The following ESF1 variants were observed in gnomAD, a reference collection of about 807,000 sequenced individuals.
ESF1 encodes ESF1 nucleolar pre-rRNA processing protein.
ESF1 carries 58 observed loss-of-function variants against 92.0 expected under a neutral mutation model. The ratio of observed to expected loss-of-function variants is 0.63; its 90% CI spans 0.51 to 0.78. The LOEUF (loss-of-function observed/expected upper bound fraction) is 0.78. Ranked by LOEUF, ESF1 falls within the 30% of genes least tolerant of loss-of-function variation. The probability of loss-of-function intolerance (pLI) is 0.00; values close to 1 mark genes in which losing one functional copy is unlikely to be tolerated. For synonymous variants in ESF1, 321 were observed against 313.7 expected (o/e 1.02, Z -0.24); for missense variants, 922 against 989.1 (o/e 0.93, Z 0.91).
Position 13,728,461 on chromosome 20 carries a change from A to T in ESF1, c.1955T>A (p.Leu652His). The change falls in exon 11 of 14, where the codon CTT (leucine) becomes CAT (histidine). Residue 652 changes from leucine to histidine, a missense_variant. Transcript: ENST00000617257. ...KKRLKRKQKA[L>H]AEEASEEELP... The stretch of plus-strand genomic sequence containing the variant: ...TTCCTCTTCACTGGCCTCTTCAGCA[A>T]GAGCCTTAAAAGTTGAATATAAAAA... 6.2e-7 allele frequency: 1 copy of T among 1,606,978 alleles called. No homozygotes were observed. Among genetic ancestry groups the T allele is most frequent in the South Asian group, 1.1e-5 (1 of 89,500 alleles).
chr20:13,767,246 G>T (rs1215924483), intron 7 of ESF1, among the ~76,000 whole-genome samples: 2 of 152,134 alleles, frequency 1.3e-5, no homozygotes, highest in African/African-American at 4.8e-5. Context: ...AACATTATGG[G>T]CCAGGCATGG....
intron 9 of ESF1, among the ~76,000 whole-genome samples, chr20:13,748,499 T>C (rs955180430): frequency 3.8e-4 from 54 of 141,616 alleles, no homozygotes; most frequent in African/African-American, 1.3e-3. Flanking sequence ...TATATATACA[T>C]ATATACACAT....
chr20:13,715,740 T>C (rs1324401024), intron 13 of ESF1, among the ~76,000 whole-genome samples: 1 of 152,198 alleles, frequency 6.6e-6, no homozygotes, highest in Non-Finnish European at 1.5e-5. Flanking sequence ...CTATAAAAAC[T>C]TGTGGTTCCA....
At chr20:13,749,827 A>G (rs916760086) in intron 9 of ESF1, among the ~76,000 whole-genome samples, 7 of 152,086 alleles carry the variant, frequency 4.6e-5, no homozygotes, top group Non-Finnish European at 8.8e-5. Flanking sequence ...TTGTCCTCCC[A>G]AAGTGGTGGG....
At chr20:13,717,328 AT>A (rs760602792) in intron 13 of ESF1, 39 bp downstream of exon 13, 9 of 1,607,110 alleles carry the variant, frequency 5.6e-6, no homozygotes, top group Non-Finnish European at 5.1e-6. Context: ...TTTAGATTCA[AT>A]TCCAGCTTTA....
chr20:13,776,351 T>A, intron 2 of ESF1, 81 bp from the exon 3 acceptor site: 1 of 1,301,768 alleles, frequency 7.7e-7, no homozygotes, highest in Non-Finnish European at 1.0e-6. Context: ...TGACATCAAC[T>A]CCAGTAAAAA....
chr20:13,737,802 C>T (rs111956733), intron 9 of ESF1, among the ~76,000 whole-genome samples: 175 of 151,796 alleles, frequency 1.2e-3, no homozygotes, highest in Non-Finnish European at 2.2e-3. Context: ...TACAGGCGCA[C>T]GCCACCATGC....
At chr20:13,719,676 G>T (rs938729560) in intron 11 of ESF1, among the ~76,000 whole-genome samples, 25 of 151,818 alleles carry the variant, frequency 1.6e-4, no homozygotes, top group African/African-American at 5.8e-4. Flanking sequence ...ATAAAACAAA[G>T]AACCCCTATG....
chr20:13,774,968 CAATAAT>C (rs1979858647), intron 4 of ESF1, among the ~76,000 whole-genome samples, 183 bp downstream of exon 4: 1 of 151,592 alleles, frequency 6.6e-6, no homozygotes, highest in Non-Finnish European at 1.5e-5. Context: ...TATAACCTAT[CAATAAT>C]AATAATTTCA....
chr20:13,774,274 C>A (rs62209205), intron 4 of ESF1, among the ~76,000 whole-genome samples: 3 of 21,988 alleles, frequency 1.4e-4, no homozygotes, highest in Non-Finnish European at 3.1e-4. Flanking sequence ...TCCCAAATCC[C>A]AAATCCAAAA....
In ESF1 at chr20:13,783,018, C is replaced by T. The variant is rs771104996; in HGVS notation, c.123G>A (p.Met41Ile). 22 of 1,614,170 alleles carry T rather than the reference C, an allele frequency of 1.4e-5. No individual in the cohort carries two copies. Among genetic ancestry groups the T allele is most frequent in the Non-Finnish European group, 1.8e-5 (21 of 1,180,038 alleles). Residue 41 changes from methionine (M) to isoleucine (I), a missense_variant, in exon 2 of 14, where the codon ATG becomes ATA. Coordinates refer to ENST00000617257, the MANE Select transcript of ESF1 (RefSeq NM_001276380.2). ...TCAACTTGAACTTCTTGTCATGAAA[C>T]ATGGCTCGAAATCTCTTGTCAATTT... is the stretch of plus-strand genomic sequence containing the variant. Reference protein sequence around the residue: ...KVKIDKRFRAMFHDKKFKLNY... With the variant: ...KVKIDKRFRAIFHDKKFKLNY...
intron 2 of ESF1, among the ~76,000 whole-genome samples, chr20:13,777,943 T>TCTA (rs1161707851): frequency 1.3e-5 from 2 of 152,232 alleles, no homozygotes; most frequent in Non-Finnish European, 2.9e-5. Flanking sequence ...TTACTGAGTA[T>TCTA]CTACTACATA....
At position 13,783,185 on chromosome 20, in the gene ESF1, T is replaced by A; in HGVS notation, c.-43-2A>T. ...CCAAATGCTTGAAGAAAACAAATAC[T>A]GAAAAATAAAACAAATGTTTTAATG... On this transcript the variant is annotated splice_acceptor_variant, in intron 1 of 13. Coordinates refer to ENST00000617257, the MANE Select transcript of ESF1 (RefSeq NM_001276380.2). LOFTEE classifies it low-confidence loss of function (5UTR_SPLICE). 6.5e-7 allele frequency: 1 copy of A among 1,544,410 alleles called. No individual in the cohort carries two copies. Among genetic ancestry groups the A allele is most frequent in the Non-Finnish European group, 8.7e-7 (1 of 1,144,648 alleles).
At chr20:13,742,921 C>T (rs1415625284) in intron 9 of ESF1, among the ~76,000 whole-genome samples, 1 of 152,140 alleles carries the variant, frequency 6.6e-6, no homozygotes, top group Non-Finnish European at 1.5e-5. Flanking sequence ...TACTTTCTGT[C>T]TCTATAGATT....
At chr20:13,716,692 GTGCAGTGCCACA>G in intron 13 of ESF1, among the ~76,000 whole-genome samples, 2 of 145,750 alleles carry the variant, frequency 1.4e-5, no homozygotes, top group Non-Finnish European at 3.0e-5. Flanking sequence ...CCAGGCTGGA[GTGCAGTGCCACA>G]ATCATGGCTC....
At chr20:13,748,250 C>T (rs1368149258) in intron 9 of ESF1, among the ~76,000 whole-genome samples, 1 of 152,008 alleles carries the variant, frequency 6.6e-6, no homozygotes, top group Non-Finnish European at 1.5e-5. Context: ...TGATCTTAAG[C>T]AAGTCTATGC....
Position 13,783,137 on chromosome 20 carries a change from A to G in ESF1, c.4T>C (p.Ser2Pro). 1 of 1,594,160 alleles carries G rather than the reference A, an allele frequency of 6.3e-7. No individual in the cohort carries two copies. The highest frequency in any genetic ancestry group is 8.6e-7 in the Non-Finnish European group (1 of 1,167,314). M[S>P]SKQEIMSDQR... ...TCACTCATTATTTCTTGTTTGGATG[A>G]CATTTTTAATTCTTAATCTCGACCA... Residue 2 changes from serine to proline, a missense_variant, in exon 2 of 14, where the codon TCA becomes CCA. By Grantham distance (74) the Ser-to-Pro change is moderately conservative. Transcript: ENST00000617257.
chr20:13,718,393 A>G (rs1298349484), intron 12 of ESF1, among the ~76,000 whole-genome samples: 1 of 152,232 alleles, frequency 6.6e-6, no homozygotes, highest in East Asian at 1.9e-4. Flanking sequence ...CTGTGCCAAA[A>G]TTACGTGTGA....
chr20:13,782,998 T>C lies in ESF1; in HGVS notation c.143A>G (p.Lys48Arg). Residue 48 changes from lysine to arginine, a missense_variant, in exon 2 of 14, where the codon AAG (lysine) becomes AGG (arginine). Lys to Arg is a conservative substitution (Grantham distance 26). Transcript: ENST00000617257. Reference protein sequence around the residue: ...FRAMFHDKKFKLNYAVDKRGR... With the variant: ...FRAMFHDKKFRLNYAVDKRGR... ...TCTTTTATCCACGGCATAGTTCAAC[T>C]TGAACTTCTTGTCATGAAACATGGC... 2 of 1,614,190 alleles carry C rather than the reference T, an allele frequency of 1.2e-6. No individual in the cohort carries two copies. The highest frequency in any genetic ancestry group is 1.7e-6 in the Non-Finnish European group (2 of 1,180,044).
Sources: gnomAD v4.1 joint callset for allele counts (sites outside exome capture counted in the v4.1 genomes callset) on GRCh38, gnomAD v4.1.1 for gene constraint, MANE v1.5 for transcripts, NCBI Gene and HGNC (gene_info 2026-07-23, HGNC 2026-07-21) for gene names.